The following COA8 variants were observed in gnomAD, a reference collection of about 807,000 sequenced individuals.
COA8 encodes UPF0671 protein C14orf153.
In COA8, 20 loss-of-function variants were observed where a neutral mutation model predicts 22.0. That is an observed-to-expected ratio of 0.91 (90% confidence interval 0.64 to 1.32). The LOEUF is 1.32. COA8 is among the 40% of genes most tolerant of loss of function. The pLI is 0.00. For missense variants in COA8, 266 were observed against 230.0 expected (o/e 1.16, Z -1.01); for synonymous variants, 105 against 79.9 (o/e 1.31, Z -1.68).
intron 3 of COA8, among the ~76,000 whole-genome samples, chr14:103,575,063 A>G (rs1310399621): frequency 1.3e-5 from 2 of 152,264 alleles, no homozygotes; most frequent in East Asian, 3.8e-4. Flanking sequence ...GCAAAGCCTT[A>G]CTGGGCCTCG....
At chr14:103,570,720 G>A (rs1441915206) in intron 1 of COA8, among the ~76,000 whole-genome samples, 1 of 152,184 alleles carries the variant, frequency 6.6e-6, no homozygotes, top group Non-Finnish European at 1.5e-5. Context: ...GCGATAGAGC[G>A]AGACTCCATC....
Position 103,570,570 on chromosome 14 carries a change from T to G in COA8, c.124-1053T>G, listed in dbSNP as rs368602566. Among the ~76,000 whole-genome samples the G allele has an allele frequency of 1.1e-4, 17 of 152,152 alleles. No homozygotes were observed. The East Asian group carries it at 3.3e-3, about 30-fold the overall frequency. ...CAACATGGTGAAACCCCATCTCTACTAAAAATGCAAAAATTAGCCGGGCGT... is the reference window on the plus strand; with the variant it reads ...CAACATGGTGAAACCCCATCTCTACGAAAAATGCAAAAATTAGCCGGGCGT... On this transcript the variant is annotated intron_variant, in intron 1 of 4. Transcript: ENST00000409074.
At chr14:103,588,483 AT>A (rs200623379) in intron 4 of COA8, among the ~76,000 whole-genome samples, 7 of 103,160 alleles carry the variant, frequency 6.8e-5, no homozygotes, top group East Asian at 2.3e-4. Context: ...TTAAAAAAAT[AT>A]ATATATATAT....
intron 3 of COA8, among the ~76,000 whole-genome samples, chr14:103,584,206 A>G (rs564556066): frequency 2.8e-4 from 43 of 152,192 alleles, no homozygotes; most frequent in African/African-American, 9.4e-4. Context: ...GCCTCCCAGC[A>G]CCTCAATATG....
intron 1 of COA8, among the ~76,000 whole-genome samples, chr14:103,566,399 G>A (rs1009149170): frequency 7.9e-5 from 12 of 152,130 alleles, no homozygotes; most frequent in African/African-American, 2.2e-4. Context: ...CAGCCTGGGC[G>A]ATGGACCAAG....
Position 103,563,111 on chromosome 14 carries a change from C to A in COA8, c.110C>A (p.Thr37Lys). The A allele has an allele frequency of 6.5e-7, 1 of 1,538,754 alleles. No individual in the cohort carries two copies. The highest frequency in any genetic ancestry group is 1.2e-5 in the South Asian group (1 of 84,156). Residue 37 changes from threonine to lysine, a missense_variant, in exon 1 of 5, where the codon ACG (threonine) becomes AAG (lysine). Coordinates refer to ENST00000409074, the MANE Select transcript of COA8 (RefSeq NM_001370595.2). ...APERGAERRD[T>K]APSGVSRFCP... ...GAGCGCGGCGCCGAGCGCAGGGATA[C>A]GGCGCCCAGCGGGGTAAGCAGGGGC...
intron 1 of COA8, among the ~76,000 whole-genome samples, chr14:103,563,744 A>G (rs1361386137): frequency 1.3e-5 from 2 of 152,218 alleles, no homozygotes; most frequent in Admixed American, 6.5e-5. Flanking sequence ...AATGTTGACT[A>G]ACGGTGTGGA....
chr14:103,585,577 CTT>C (rs143878801), intron 3 of COA8, among the ~76,000 whole-genome samples: 17 of 128,528 alleles, frequency 1.3e-4, no homozygotes, highest in Non-Finnish European at 1.5e-4. Context: ...GGTTTTTTCT[CTT>C]TTTTTTTTTT....
intron 2 of COA8, among the ~76,000 whole-genome samples, chr14:103,573,036 C>G (rs753241375): frequency 6.6e-6 from 1 of 152,098 alleles, no homozygotes; most frequent in Non-Finnish European, 1.5e-5. Context: ...CCACCTCGGC[C>G]TCCCAAAGTG....
chr14:103,565,503 C>CT (rs895830290), intron 1 of COA8, among the ~76,000 whole-genome samples: 53 of 151,118 alleles, frequency 3.5e-4, no homozygotes, highest in African/African-American at 7.8e-4. Context: ...TCTTTTAGTT[C>CT]TTTTTTTTTC....
chr14:103,588,920 A>G (rs1017427437), intron 4 of COA8, among the ~76,000 whole-genome samples: 5 of 152,360 alleles, frequency 3.3e-5, no homozygotes, highest in Non-Finnish European at 4.4e-5. Flanking sequence ...GTCCTGAAAT[A>G]TCTGGATTCC....
chr14:103,587,207 G>A, intron 3 of COA8, 67 bp from the exon 4 acceptor site: 4 of 1,303,728 alleles, frequency 3.1e-6, no homozygotes, highest in Non-Finnish European at 4.3e-6. Flanking sequence ...TCATTTATTA[G>A]CTCTAATAGT....
intron 3 of COA8, chr14:103,574,457 C>A: frequency 1.7e-6 from 1 of 583,742 alleles, no homozygotes; most frequent in Non-Finnish European, 3.2e-6. Flanking sequence ...TTTGCAGCTT[C>A]TCCCTCCAAA....
intron 1 of COA8, among the ~76,000 whole-genome samples, chr14:103,566,386 C>T (rs1402715158): frequency 1.3e-5 from 2 of 152,308 alleles, no homozygotes; most frequent in East Asian, 3.9e-4. Context: ...CGCCATTGCA[C>T]TCCAGCCTGG....
rs181971905 is a variant in COA8, at chr14:103,571,449, G to A, written c.124-174G>A. Among the ~76,000 whole-genome samples, 268 of 152,210 alleles carry A rather than the reference G, an allele frequency of 1.8e-3. 4 individuals carry two copies. The highest frequency in any genetic ancestry group is 3.2e-3 in the Non-Finnish European group (215 of 68,008). ...TTATTTAAACCAGAAACTAGGCCCT[G>A]TGTGGTGGCTCCTACTTGTAATCCC... On this transcript the variant is annotated intron_variant, in intron 1 of 4. Coordinates refer to ENST00000409074, the MANE Select transcript of COA8 (RefSeq NM_001370595.2).
At chr14:103,576,953 C>G (rs2076234317) in intron 3 of COA8, among the ~76,000 whole-genome samples, 1 of 152,202 alleles carries the variant, frequency 6.6e-6, no homozygotes, top group Non-Finnish European at 1.5e-5. Context: ...AGCAAAACAA[C>G]ATGGGCAATT....
intron 1 of COA8, among the ~76,000 whole-genome samples, chr14:103,568,496 TAC>T (rs2076152748): frequency 6.6e-6 from 1 of 151,786 alleles, no homozygotes; most frequent in Non-Finnish European, 1.5e-5. Flanking sequence ...CACATATATA[TAC>T]ACACATGTAT....
At chr14:103,585,339 C>T (rs1165189893) in intron 3 of COA8, among the ~76,000 whole-genome samples, 9 of 146,566 alleles carry the variant, frequency 6.1e-5, no homozygotes, top group Admixed American at 1.4e-4. Flanking sequence ...ATTAGCTGGG[C>T]GTGGTGGCAC....
chr14:103,574,523 A>C (rs923916958), intron 3 of COA8: 6 of 479,384 alleles, frequency 1.3e-5, no homozygotes, highest in African/African-American at 1.2e-4. Flanking sequence ...GCCTCTCCTT[A>C]TTTTCTCCTG....
Sources: allele counts gnomAD v4.1 joint callset (sites outside exome capture counted in the v4.1 genomes callset), GRCh38; gene constraint gnomAD v4.1.1; transcripts MANE v1.5; gene names NCBI Gene and HGNC (gene_info 2026-07-23, HGNC 2026-07-21).